SULF1: variants seen among roughly 807,000 people sequenced by gnomAD.
The protein encoded by SULF1 is sulfatase 1.
In SULF1, 46 loss-of-function variants were observed where a neutral mutation model predicts 110.5. That is an observed-to-expected ratio of 0.42 (90% CI 0.33 to 0.53). The LOEUF is 0.53. Among genes scored for constraint, SULF1 ranks in the 20% least tolerant of loss-of-function variants. The pLI is 0.12. For synonymous variants in SULF1, 371 were observed against 387.1 expected, an observed-to-expected ratio of 0.96 and a Z score of 0.49; for missense variants, 941 against 1,094.2, an observed-to-expected ratio of 0.86 and a Z score of 1.98.
chr8:69,595,560 G>A (rs1807240661), intron 8 of SULF1, among the ~76,000 whole-genome samples: 1 of 152,172 alleles, frequency 6.6e-6, no homozygotes, highest in Admixed American at 6.5e-5. Context: ...TGCAGCTTGA[G>A]AGATTAAGTG....
chr8:69,607,217 G>T (rs1303831679), intron 13 of SULF1, among the ~76,000 whole-genome samples: 1 of 152,226 alleles, frequency 6.6e-6, no homozygotes, highest in Non-Finnish European at 1.5e-5. Flanking sequence ...CCTAAAGTTT[G>T]AGAAGCACTA....
upstream of SULF1, among the ~76,000 whole-genome samples, chr8:69,489,452 T>C (rs1300156967): frequency 6.6e-6 from 1 of 152,026 alleles, no homozygotes. Flanking sequence ...TACTTAATTT[T>C]AGTCTGTCAC....
intron 2 of SULF1, among the ~76,000 whole-genome samples, chr8:69,499,490 C>T (rs1026764409): frequency 6.6e-6 from 1 of 152,176 alleles, no homozygotes; most frequent in Non-Finnish European, 1.5e-5. Context: ...TTATAAGGAA[C>T]TGTTACAAGA....
chr8:69,614,802 C>A (rs1035605179), intron 13 of SULF1, among the ~76,000 whole-genome samples: 2 of 152,234 alleles, frequency 1.3e-5, no homozygotes, highest in Non-Finnish European at 2.9e-5. Flanking sequence ...AAAATTATAA[C>A]AACTTAAGAA....
At chr8:69,544,836 A>G (rs1170877053) in intron 3 of SULF1, among the ~76,000 whole-genome samples, 4 of 152,186 alleles carry the variant, frequency 2.6e-5, no homozygotes, top group Admixed American at 2.6e-4. Context: ...GTAAGAAAAT[A>G]TAGAATATTT....
chr8:69,635,086 G>A (rs75185376), intron 19 of SULF1, among the ~76,000 whole-genome samples: 2,979 of 152,316 alleles, frequency 0.02, 40 homozygotes, highest in Non-Finnish European at 0.029. Context: ...GTGAGCCACC[G>A]CACCTGACCG....
At chr8:69,586,669 ACT>A (rs1806487958) in intron 7 of SULF1, among the ~76,000 whole-genome samples, 161 bp downstream of exon 7, 1 of 152,060 alleles carries the variant, frequency 6.6e-6, no homozygotes, top group African/African-American at 2.4e-5. Context: ...CAAGGAAAAG[ACT>A]CTCAAGGAAC....
intron 3 of SULF1, among the ~76,000 whole-genome samples, chr8:69,510,945 TACAC>T (rs56386460): frequency 0.44 from 62,050 of 140,816 alleles, 13,915 homozygotes; most frequent in South Asian, 0.53. Flanking sequence ...ATATCATCAT[TACAC>T]ACACACACAC....
chr8:69,624,306 C>G, intron 15 of SULF1, 109 bp downstream of exon 15: 2 of 1,434,634 alleles, frequency 1.4e-6, no homozygotes, highest in South Asian at 2.9e-5. Context: ...CTTGGCAATA[C>G]AGTGCCTGAG....
intron 3 of SULF1, among the ~76,000 whole-genome samples, chr8:69,519,342 T>A (rs1262134854): frequency 6.6e-6 from 1 of 152,174 alleles, no homozygotes; most frequent in Admixed American, 6.5e-5. Flanking sequence ...AAAAGAATAA[T>A]TGACCATTGT....
At chr8:69,505,613 T>C (rs1407983424) in intron 3 of SULF1, among the ~76,000 whole-genome samples, 1 of 152,140 alleles carries the variant, frequency 6.6e-6, no homozygotes, top group East Asian at 1.9e-4. Flanking sequence ...ACTGTAACAG[T>C]AAACTAAACC....
At chr8:69,567,725 C>T (rs1586424276) in intron 5 of SULF1, among the ~76,000 whole-genome samples, 1 of 152,210 alleles carries the variant, frequency 6.6e-6, no homozygotes, top group South Asian at 2.1e-4. Flanking sequence ...ATTTTTTTAA[C>T]CCATTCATCC....
chr8:69,553,339 C>A (rs148547188), intron 3 of SULF1, among the ~76,000 whole-genome samples: 272 of 152,308 alleles, frequency 1.8e-3, no homozygotes, highest in African/African-American at 6.3e-3. Context: ...CAAATCCAAG[C>A]CTTTGTGTTT....
intron 6 of SULF1, among the ~76,000 whole-genome samples, chr8:69,585,807 C>A (rs1806418510): frequency 6.6e-6 from 1 of 151,946 alleles, no homozygotes; most frequent in Admixed American, 6.6e-5. Context: ...TGATATAAAC[C>A]CTGACCATAT....
At chr8:69,582,837 T>C (rs1806175251) in intron 6 of SULF1, among the ~76,000 whole-genome samples, 1 of 152,210 alleles carries the variant, frequency 6.6e-6, no homozygotes, top group Admixed American at 6.5e-5. Flanking sequence ...CTTGGTCTGC[T>C]GCCTGTGGCT....
At chr8:69,589,704 G>T (rs1806750435) in intron 8 of SULF1, among the ~76,000 whole-genome samples, 1 of 152,054 alleles carries the variant, frequency 6.6e-6, no homozygotes, top group African/African-American at 2.4e-5. Context: ...TCTTGGAGAT[G>T]GGGGGTGGGA....
At chr8:69,528,895 A>G (rs1812884146) in intron 3 of SULF1, among the ~76,000 whole-genome samples, 1 of 152,230 alleles carries the variant, frequency 6.6e-6, no homozygotes, top group South Asian at 2.1e-4. Context: ...TAAATAAAAG[A>G]CACATGAATT....
At chr8:69,485,223 A>G (rs567640413) in intron 1 of SULF1, among the ~76,000 whole-genome samples, 1 of 152,360 alleles carries the variant, frequency 6.6e-6, no homozygotes, top group African/African-American at 2.4e-5. Flanking sequence ...AATAGGAATG[A>G]CTAGGCATAT....
intron 10 of SULF1, among the ~76,000 whole-genome samples, chr8:69,602,242 G>T (rs1283557467): frequency 1.3e-5 from 2 of 151,994 alleles, no homozygotes; most frequent in African/African-American, 4.8e-5. Context: ...GATAAATTTT[G>T]AAAAGCTGGC....
Sources: gnomAD v4.1 joint callset for allele counts (sites outside exome capture counted in the v4.1 genomes callset) on GRCh38, gnomAD v4.1.1 for gene constraint, MANE v1.5 for transcripts, NCBI Gene and HGNC (gene_info 2026-07-23, HGNC 2026-07-21) for gene names.